GRK3: variants seen among roughly 807,000 people sequenced by gnomAD.
The protein encoded by GRK3 is G protein-coupled receptor kinase 3, also known as adrenergic, beta, receptor kinase 2.
A neutral mutation model predicts 95.7 loss-of-function variants in GRK3; 54 were observed. The observed-to-expected ratio is 0.56, with a 90% CI of 0.45 to 0.71. The LOEUF (loss-of-function observed/expected upper bound fraction) is 0.71, where lower values mean the gene tolerates loss of function less well. GRK3 is among the 30% of genes least tolerant of loss of function. The pLI, the probability that GRK3 is intolerant of heterozygous loss-of-function variation, is 0.00. For missense variants in GRK3, 649 were observed against 851.2 expected (o/e 0.76, Z 2.96); for synonymous variants, 281 against 290.8 (o/e 0.97, Z 0.34).
intron 13 of GRK3, among the ~76,000 whole-genome samples, chr22:25,700,677 T>C (rs1238457421): frequency 6.6e-6 from 1 of 152,182 alleles, no homozygotes; most frequent in East Asian, 1.9e-4. Flanking sequence ...AAGCTCTGCC[T>C]CACAGGTTCA....
chr22:25,573,793 G>A (rs1931790284), intron 1 of GRK3, among the ~76,000 whole-genome samples: 1 of 152,158 alleles, frequency 6.6e-6, no homozygotes, highest in South Asian at 2.1e-4. Context: ...CGGCTACTCA[G>A]GAGGCTGAGG....
intron 2 of GRK3, among the ~76,000 whole-genome samples, chr22:25,642,007 C>T (rs2084746784): frequency 6.6e-6 from 1 of 152,148 alleles, no homozygotes; most frequent in Admixed American, 6.5e-5. Context: ...AGTTCAAATT[C>T]TCATGTTAGT....
chr22:25,597,940 T>C (rs1436450973), intron 1 of GRK3, among the ~76,000 whole-genome samples: 1 of 152,192 alleles, frequency 6.6e-6, no homozygotes, highest in Non-Finnish European at 1.5e-5. Flanking sequence ...GGAAAATTCA[T>C]TGCTAGTTAA....
chr22:25,565,668 G>A (rs940410585), intron 1 of GRK3, among the ~76,000 whole-genome samples: 2 of 152,142 alleles, frequency 1.3e-5, no homozygotes. Context: ...GTTGCTTATT[G>A]TCCGAGGTAG....
chr22:25,648,574 T>C, intron 3 of GRK3: 3 of 1,357,966 alleles, frequency 2.2e-6, no homozygotes, highest in Non-Finnish European at 3.1e-6. Context: ...GCTCAGGTAA[T>C]GAAAAAAATA....
chr22:25,664,516 A>ATTTT (rs1196086432), intron 5 of GRK3, among the ~76,000 whole-genome samples: 2 of 121,544 alleles, frequency 1.6e-5, no homozygotes, highest in South Asian at 2.7e-4. Flanking sequence ...TGACTTTGGC[A>ATTTT]TTTTTTTTTT....
At chr22:25,685,064 T>G in intron 9 of GRK3, 106 bp from the exon 10 acceptor site, 1 of 740,768 alleles carries the variant, frequency 1.3e-6, no homozygotes, top group Non-Finnish European at 2.3e-6. Flanking sequence ...AATGTGTCAA[T>G]TAAAAAATAA....
chr22:25,575,592 G>C (rs1245654931), intron 1 of GRK3, among the ~76,000 whole-genome samples: 3 of 152,126 alleles, frequency 2.0e-5, no homozygotes, highest in Admixed American at 6.5e-5. Context: ...CATTTATTTA[G>C]AGTTTAAGAA....
chr22:25,618,572 A>G (rs2084557242), intron 2 of GRK3, among the ~76,000 whole-genome samples: 1 of 152,226 alleles, frequency 6.6e-6, no homozygotes. Flanking sequence ...ATCATTTACA[A>G]TTAGTTATCA....
intron 17 of GRK3, among the ~76,000 whole-genome samples, chr22:25,714,154 A>C (rs986531396): frequency 7.2e-5 from 11 of 152,220 alleles, no homozygotes; most frequent in Non-Finnish European, 7.3e-5. Context: ...ATAGTATACA[A>C]GATTGGGTTG....
chr22:25,688,376 T>A (rs1189098600), intron 11 of GRK3, among the ~76,000 whole-genome samples: 1 of 152,074 alleles, frequency 6.6e-6, no homozygotes, highest in Non-Finnish European at 1.5e-5. Context: ...CAATGATGGA[T>A]AAGCAAAGAA....
intron 2 of GRK3, among the ~76,000 whole-genome samples, chr22:25,621,298 C>G (rs1318465695): frequency 6.6e-6 from 1 of 152,168 alleles, no homozygotes; most frequent in Non-Finnish European, 1.5e-5. Flanking sequence ...TTTTATTTTC[C>G]CAAACAAAGA....
At chr22:25,690,118 G>A (rs2085153334) in intron 11 of GRK3, 71 bp from the exon 12 acceptor site, 2 of 1,073,616 alleles carry the variant, frequency 1.9e-6, no homozygotes, top group East Asian at 2.4e-5. Context: ...TCAGGTGTCT[G>A]CACTCAAAGT....
At chr22:25,620,872 A>C (rs920567749) in intron 2 of GRK3, among the ~76,000 whole-genome samples, 82 of 152,232 alleles carry the variant, frequency 5.4e-4, no homozygotes, top group African/African-American at 2.0e-3. Flanking sequence ...TACAAGACAT[A>C]TCAGTAAGAG....
At chr22:25,572,291 T>C (rs1292292445) in intron 1 of GRK3, among the ~76,000 whole-genome samples, 1 of 152,242 alleles carries the variant, frequency 6.6e-6, no homozygotes, top group South Asian at 2.1e-4. Flanking sequence ...AAGTCTTTGC[T>C]ATTGTAAATA....
chr22:25,683,797 A>G (rs1011981511), intron 9 of GRK3, among the ~76,000 whole-genome samples: 2 of 152,064 alleles, frequency 1.3e-5, no homozygotes, highest in African/African-American at 2.4e-5. Context: ...TGGGTTGCAT[A>G]TATCTTCTCC....
At chr22:25,673,545 T>C (rs1212553900) in intron 7 of GRK3, among the ~76,000 whole-genome samples, 1 of 152,080 alleles carries the variant, frequency 6.6e-6, no homozygotes, top group Non-Finnish European at 1.5e-5. Context: ...CATACGCTTC[T>C]GCCTCGGGAG....
rs553627752 is a variant in GRK3, at chr22:25,634,338, G to C, written c.191-10254G>C. The stretch of plus-strand genomic sequence containing the variant: ...GGTCAGTGGGGCTGTCTCATGATAT[G>C]TGTTGTGATGCTGGATGATAAGATG... On this transcript the variant is annotated intron_variant, in intron 2 of 20. Coordinates refer to ENST00000324198, the MANE Select transcript of GRK3 (RefSeq NM_005160.4). 7.2e-5 allele frequency among the ~76,000 whole-genome samples: 11 copies of C among 152,292 alleles called. No individual in the cohort carries two copies. In the South Asian group the frequency reaches 2.1e-3, roughly 29 times the overall value.
chr22:25,662,154 A>G (rs1407759991), intron 4 of GRK3, among the ~76,000 whole-genome samples: 1 of 152,158 alleles, frequency 6.6e-6, no homozygotes, highest in Non-Finnish European at 1.5e-5. Flanking sequence ...TGTAAATCAG[A>G]TAAACAATCT....
Sources: allele counts gnomAD v4.1 joint callset (sites outside exome capture counted in the v4.1 genomes callset), GRCh38; gene constraint gnomAD v4.1.1; transcripts MANE v1.5; gene names NCBI Gene and HGNC (gene_info 2026-07-23, HGNC 2026-07-21).